The following PLCD3 variants were observed in gnomAD, a reference collection of about 807,000 sequenced individuals.
PLCD3 encodes the protein 1-phosphatidylinositol 4,5-bisphosphate phosphodiesterase delta-3.
In PLCD3, 62 loss-of-function variants were observed where a neutral mutation model predicts 82.8. The ratio of observed to expected loss-of-function variants is 0.75; its 90% CI spans 0.61 to 0.93. The LOEUF is 0.93. Among genes scored for constraint, PLCD3 ranks in the 40% least tolerant of loss-of-function variants. PLCD3 has a pLI of 0.00. For missense variants in PLCD3, 1,023 were observed against 1,103.4 expected (o/e 0.93, Z 1.03); for synonymous variants, 478 against 471.8 (o/e 1.01, Z -0.17).
At chr17:45,121,151 G>A in intron 2 of PLCD3, 21 bp from the exon 3 acceptor site, 1 of 1,520,218 alleles carries the variant, frequency 6.6e-7, no homozygotes, top group Non-Finnish European at 8.8e-7. Context: ...GGCCGGGTCA[G>A]GGCGGAGGAC....
rs116850743 is a variant in PLCD3 at position 45,111,977 on chromosome 17, G to A, written c.*639C>T. ...CGCTTGAGCCTGGGAGTTCAAAGCT[G>A]CAGTGAGCCATGATTGCAACATTGC... On this transcript the variant is annotated 3_prime_UTR_variant, in exon 15 of 15. Transcript: ENST00000619929. 1,850 of 152,766 alleles carry A rather than the reference G, an allele frequency of 0.012. 19 individuals carry two copies. Among genetic ancestry groups the A allele is most frequent in the South Asian group, 0.03 (144 of 4,868 alleles). The allele number at this position is 152,766 out of a possible 1,614,324, so 9.5% of individuals were successfully genotyped here. A position where few individuals can be genotyped will look rare whatever the true frequency, so the allele number is the denominator to read the frequency against.
chr17:45,117,966 G>T, intron 7 of PLCD3, 28 bp downstream of exon 7: 1 of 1,610,944 alleles, frequency 6.2e-7, no homozygotes, highest in South Asian at 1.1e-5. Context: ...AGGCTGTGGG[G>T]CTGGGGCTGG....
chr17:45,115,546 C>T (rs1234503582), intron 8 of PLCD3, 56 bp from the exon 9 acceptor site: 37 of 1,486,562 alleles, frequency 2.5e-5, no homozygotes, highest in Non-Finnish European at 3.3e-5. Context: ...CTGTGGCAGC[C>T]AGTCAGTCAG....
Position 45,113,134 on chromosome 17 carries a change from C to T in PLCD3, c.2119G>A (p.Val707Met). The change falls in exon 13 of 15, where the codon GTG becomes ATG. Residue 707 changes from valine (V) to methionine (M), a missense_variant. Around this residue, in one of 3 missense-constraint regions of PLCD3, gnomAD observed 553 missense variants for 655.7 expected, o/e 0.84. Transcript: ENST00000619929. ...AGTGGCTGCCCACCATTGTTGAGCA[C>T]GTAGTCAGTCTCCTGCCGGGCACAG... ...ADCARQETDY[V>M]LNNGFNPRWG... 1.9e-6 allele frequency: 3 copies of T among 1,613,502 alleles called. No individual in the cohort carries two copies. The highest frequency in any genetic ancestry group is 2.5e-6 in the Non-Finnish European group (3 of 1,179,740).
At position 45,121,085 on chromosome 17, in the gene PLCD3, T is replaced by C; in HGVS notation, c.371A>G (p.Glu124Gly). The C allele has an allele frequency of 6.5e-7, 1 of 1,540,016 alleles. No homozygotes were observed. Among genetic ancestry groups the C allele is most frequent in the Admixed American group, 2.0e-5 (1 of 51,092 alleles). ...IEAVREGHQS[E>G]GLRRFGGAFA... ...GGCACCCCCGAAGCGCCGCAGGCCC[T>C]CGGACTGGTGGCCCTCGCGGACCGC... Residue 124 changes from glutamate (E) to glycine (G), a missense_variant, in exon 3 of 15, where the codon GAG becomes GGG. Physicochemically the swap from Glu to Gly is moderately conservative, Grantham distance 98. Transcript: ENST00000619929.
At position 45,121,132 on chromosome 17, in the gene PLCD3, TGA is replaced by T. The variant is rs772094994; in HGVS notation, c.326-4_326-3del. On this transcript the variant is annotated splice_polypyrimidine_tract_variant and splice_region_variant and intron_variant, in intron 2 of 14. Coordinates refer to ENST00000619929, the MANE Select transcript of PLCD3 (RefSeq NM_133373.5). ...CCGCCTCGATGTGCTGCACGAAGAC[TGA>T]GAGGAGGGCCGGGTCAGGGCGGAGG... 1.7e-5 allele frequency: 26 copies of T among 1,521,946 alleles called. 1 individual carries two copies. The South Asian group carries it at 2.3e-4, about 14-fold the overall frequency. 94.3% of individuals were successfully genotyped at this position (1,521,946 alleles called of 1,614,324 possible).
At chr17:45,130,621 C>T (rs1319803786) in intron 1 of PLCD3, among the ~76,000 whole-genome samples, 1 of 152,200 alleles carries the variant, frequency 6.6e-6, no homozygotes, top group Non-Finnish European at 1.5e-5. Context: ...TTCTGGGGTC[C>T]ATCCTGGGTG....
intron 1 of PLCD3, among the ~76,000 whole-genome samples, chr17:45,127,761 C>T (rs1277467023): frequency 6.6e-6 from 1 of 150,858 alleles, no homozygotes; most frequent in Non-Finnish European, 1.5e-5. Context: ...TGTGTGTGTG[C>T]GTGAGACAGT....
Position 45,113,619 on chromosome 17 carries a change from A to G in PLCD3, c.1829-14T>C, listed in dbSNP as rs1229206792. On this transcript the variant is annotated splice_polypyrimidine_tract_variant and intron_variant, in intron 11 of 14. Transcript: ENST00000619929. ...AGTTCAAGGCCACTGTGGACACAGCAGGGTCAGAGCAGGGGCTCTTAGCGG... is the reference window on the plus strand; with the variant it reads ...AGTTCAAGGCCACTGTGGACACAGCGGGGTCAGAGCAGGGGCTCTTAGCGG... The G allele has an allele frequency of 1.9e-6, 3 of 1,553,458 alleles. No individual in the cohort carries two copies. The highest frequency in any genetic ancestry group is 2.6e-6 in the Non-Finnish European group (3 of 1,148,114).
chr17:45,129,720 C>T (rs1221501669), intron 1 of PLCD3, among the ~76,000 whole-genome samples: 1 of 152,206 alleles, frequency 6.6e-6, no homozygotes, highest in Non-Finnish European at 1.5e-5. Flanking sequence ...GGCTCTAGCG[C>T]TCCTCTCTCT....
rs1212050767 is a variant in PLCD3 at position 45,115,218 on chromosome 17, C to T, written c.1587G>A (p.Ser529=). 4.5e-6 allele frequency: 7 copies of T among 1,572,996 alleles called. No individual in the cohort carries two copies. Among genetic ancestry groups the T allele is most frequent in the South Asian group, 1.2e-5 (1 of 85,200 alleles). The change falls in exon 10 of 15, where the codon TCG becomes TCA. Residue 529 remains serine, a synonymous_variant. Coordinates refer to ENST00000619929, the MANE Select transcript of PLCD3 (RefSeq NM_133373.5). ...TGGCGTGGCAGTACACAGCCAGGGC[C>T]GACAGCTCCGGGGAGATCTGCTTGG... is the stretch of plus-strand genomic sequence containing the variant. The part of the protein sequence containing the change: ...RLAKQISPEL[S]ALAVYCHATR...
chr17:45,120,368 A>C lies in PLCD3; in HGVS notation c.641T>G (p.Val214Gly). 6.2e-7 allele frequency: 1 copy of C among 1,613,968 alleles called. No individual in the cohort carries two copies. Among genetic ancestry groups the C allele is most frequent in the Non-Finnish European group, 8.5e-7 (1 of 1,179,868 alleles). Reference sequence around the variant, plus strand: ...GTACATGTCGTTCATGTCCACGTTGACCATTCTCAGCAGGCTCTTGATCTC... The same window carrying C: ...GTACATGTCGTTCATGTCCACGTTGCCCATTCTCAGCAGGCTCTTGATCTC... ...FKEIKSLLRM[V>G]NVDMNDMYAY... The change falls in exon 4 of 15, where the codon GTC becomes GGC. Residue 214 changes from valine (V) to glycine (G), a missense_variant. Val to Gly is a moderately radical substitution (Grantham distance 109, BLOSUM62 -3). Around this residue, in one of 3 missense-constraint regions of PLCD3, gnomAD observed 448 missense variants for 406.3 expected, o/e 1.10. Coordinates refer to ENST00000619929, the MANE Select transcript of PLCD3 (RefSeq NM_133373.5).
chr17:45,123,626 G>A (rs62066672), intron 1 of PLCD3, among the ~76,000 whole-genome samples: 21,659 of 152,204 alleles, frequency 0.14, 1,807 homozygotes, highest in Middle Eastern at 0.2. Flanking sequence ...TTACCCAGGG[G>A]AGGCTGCAGA....
At chr17:45,114,093 C>G (rs916795596) in intron 11 of PLCD3, among the ~76,000 whole-genome samples, 157 bp downstream of exon 11, 3 of 152,138 alleles carry the variant, frequency 2.0e-5, no homozygotes, top group African/African-American at 7.2e-5. Flanking sequence ...ACAAACGAGC[C>G]TGATTTGATT....
At chr17:45,116,865 A>G in intron 7 of PLCD3, 81 bp from the exon 8 acceptor site, 8 of 1,447,976 alleles carry the variant, frequency 5.5e-6, no homozygotes, top group Non-Finnish European at 7.3e-6. Flanking sequence ...CAGACCCTTC[A>G]GGACAGGCAG....
In PLCD3 at chr17:45,111,500, G is replaced by A. The variant is rs1317272084; in HGVS notation, c.*1116C>T. The A allele has an allele frequency of 6.6e-6, 1 of 152,126 alleles. No homozygotes were observed. The highest frequency in any genetic ancestry group is 1.5e-5 in the Non-Finnish European group (1 of 68,076). The allele number at this position is 152,126 out of a possible 1,614,324, so 9.4% of individuals were successfully genotyped here. ...AGGAGCAGGGATCGGGCTATTTAGA[G>A]CTGTGGCATCTCCTGCTGCCACCCC... On this transcript the variant is annotated 3_prime_UTR_variant, in exon 15 of 15. Transcript: ENST00000619929.
At chr17:45,121,394 G>A in intron 1 of PLCD3, 22 bp from the exon 2 acceptor site, 1 of 1,486,884 alleles carries the variant, frequency 6.7e-7, no homozygotes, top group Non-Finnish European at 8.9e-7. Context: ...GGAGGACCCG[G>A]GGCGTCAGGC....
At chr17:45,113,682 C>G in intron 11 of PLCD3, 77 bp from the exon 12 acceptor site, 8 of 1,497,960 alleles carry the variant, frequency 5.3e-6, no homozygotes, top group Non-Finnish European at 6.3e-6. Flanking sequence ...GACTGCATTC[C>G]TCTCTACAAA....
In PLCD3 at chr17:45,132,308, G is replaced by A; in HGVS notation, c.103C>T (p.Pro35Ser). 8.0e-7 allele frequency: 1 copy of A among 1,256,526 alleles called. No homozygotes were observed. Among genetic ancestry groups the A allele is most frequent in the Non-Finnish European group, 1.0e-6 (1 of 999,946 alleles). The allele number at this position is 1,256,526 out of a possible 1,614,324, so 77.8% of individuals were successfully genotyped here. ...QVAAPVALPS[P>S]PTPSDGGTKR... ...GTGCCGCCATCGGAGGGAGTCGGCG[G>A]GGACGGGAGAGCGACCGGCGCCGCG... The change falls in exon 1 of 15, where the codon CCG (proline) becomes TCG (serine). Residue 35 changes from proline to serine, a missense_variant. Pro to Ser is a moderately conservative substitution (Grantham distance 74). This residue lies in a region of PLCD3 where 448 missense variants were observed against 406.3 expected (regional missense o/e 1.10). Coordinates refer to ENST00000619929, the MANE Select transcript of PLCD3 (RefSeq NM_133373.5). The surrounding 1 kb of genome is among the most constrained non-coding windows in gnomAD (Gnocchi z 4.6).
Sources: allele counts gnomAD v4.1 joint callset (sites outside exome capture counted in the v4.1 genomes callset), GRCh38; gene constraint gnomAD v4.1.1; regional missense constraint gnomAD v4.1.1; non-coding constraint Gnocchi (gnomAD v3.1); transcripts MANE v1.5; gene names NCBI Gene and HGNC (gene_info 2026-07-23, HGNC 2026-07-21).